The following FSTL5 variants were observed in gnomAD, a reference collection of about 807,000 sequenced individuals.
The protein encoded by FSTL5 is follistatin like 5.
In FSTL5, 62 loss-of-function variants were observed where a neutral mutation model predicts 89.1. The observed-to-expected ratio is 0.70, with a 90% CI of 0.57 to 0.86. FSTL5 has a LOEUF of 0.86. FSTL5 is among the 40% of genes least tolerant of loss of function. The pLI is 0.00. For synonymous variants in FSTL5, 383 were observed against 346.2 expected, an observed-to-expected ratio of 1.11 and a Z score of -1.18; for missense variants, 1,057 against 1,001.6, an observed-to-expected ratio of 1.06 and a Z score of -0.75.
chr4:162,121,711 TA>T (rs1379903605), intron 1 of FSTL5, among the ~76,000 whole-genome samples: 3 of 151,820 alleles, frequency 2.0e-5, no homozygotes, highest in Non-Finnish European at 2.9e-5. Context: ...TGACAGTATC[TA>T]AAAAAAAGTT....
intron 15 of FSTL5, among the ~76,000 whole-genome samples, chr4:161,453,117 A>C (rs1733230279): frequency 6.6e-6 from 1 of 152,218 alleles, no homozygotes; most frequent in Admixed American, 6.5e-5. Flanking sequence ...GTATTTTAAC[A>C]TAATGATAAC....
chr4:161,846,048 C>A (rs1360387291), intron 4 of FSTL5, among the ~76,000 whole-genome samples: 11 of 144,072 alleles, frequency 7.6e-5, no homozygotes, highest in South Asian at 2.2e-4. Context: ...GACTCCGTCT[C>A]AAAAAAAAAA....
chr4:161,517,318 C>T (rs78820493), intron 10 of FSTL5, among the ~76,000 whole-genome samples: 14,104 of 152,160 alleles, frequency 0.093, 883 homozygotes, highest in South Asian at 0.2. Flanking sequence ...AAATTATCTG[C>T]TTTGATATCT....
chr4:162,026,340 C>CTTTTTTTTTTTTA (rs1441384604), intron 3 of FSTL5, among the ~76,000 whole-genome samples: 1 of 38,542 alleles, frequency 2.6e-5, no homozygotes, highest in Non-Finnish European at 5.5e-5. Flanking sequence ...CGGAGTTTTC[C>CTTTTTTTTTTTTA]TCTTGTCCCC....
At chr4:161,776,688 A>T (rs1473279339) in intron 4 of FSTL5, among the ~76,000 whole-genome samples, 3 of 151,708 alleles carry the variant, frequency 2.0e-5, no homozygotes, top group Non-Finnish European at 2.9e-5. Flanking sequence ...ATTTAAAAAA[A>T]TTTTTAGTTG....
At chr4:161,598,039 A>C (rs540603864) in intron 7 of FSTL5, among the ~76,000 whole-genome samples, 1 of 152,292 alleles carries the variant, frequency 6.6e-6, no homozygotes, top group South Asian at 2.1e-4. Flanking sequence ...AATTATTCCT[A>C]AATTAATCCA....
chr4:162,059,981 C>T (rs541597117), intron 2 of FSTL5, among the ~76,000 whole-genome samples: 3 of 152,218 alleles, frequency 2.0e-5, no homozygotes, highest in Admixed American at 6.5e-5. Flanking sequence ...TGAAGAGAAA[C>T]GAATTGACTC....
intron 2 of FSTL5, among the ~76,000 whole-genome samples, chr4:162,092,948 A>C (rs1844992): frequency 2.8e-4 from 2 of 7,132 alleles, no homozygotes; most frequent in Non-Finnish European, 7.7e-4. Context: ...ACTCTGTCTC[A>C]AAAAAAAAAA....
chr4:161,745,079 A>T (rs1740151645), intron 6 of FSTL5, among the ~76,000 whole-genome samples: 1 of 152,046 alleles, frequency 6.6e-6, no homozygotes, highest in Non-Finnish European at 1.5e-5. Context: ...TAAAAAAAAT[A>T]AAACAACAAC....
rs572114819 is a variant in FSTL5, at chr4:161,554,250, G to A, written c.1016-11557C>T. On this transcript the variant is annotated intron_variant, in intron 8 of 15. Coordinates refer to ENST00000306100, the MANE Select transcript of FSTL5 (RefSeq NM_020116.5). ...GATGATAGTAGGAAAAAAAAAGGAA[G>A]GGTAGATAGATATATTTCTCAAAGG... Among the ~76,000 whole-genome samples the A allele has an allele frequency of 3.3e-5, 5 of 151,422 alleles. No homozygotes were observed. The East Asian group carries it at 9.8e-4, about 30-fold the overall frequency.
chr4:161,914,717 C>T (rs547223462), intron 4 of FSTL5, among the ~76,000 whole-genome samples: 1 of 151,892 alleles, frequency 6.6e-6, no homozygotes, highest in Non-Finnish European at 1.5e-5. Flanking sequence ...TTAATTTGAC[C>T]AGATACAATA....
intron 5 of FSTL5, among the ~76,000 whole-genome samples, chr4:161,774,145 C>T (rs1316830734): frequency 6.6e-6 from 1 of 152,028 alleles, no homozygotes; most frequent in African/African-American, 2.4e-5. Context: ...GCCTGTAGTC[C>T]CAGCTACTTG....
chr4:161,590,730 A>G (rs1024624506), intron 7 of FSTL5, among the ~76,000 whole-genome samples: 4 of 152,222 alleles, frequency 2.6e-5, no homozygotes, highest in African/African-American at 9.6e-5. Context: ...GTTAAAATAA[A>G]AAAGAGACAA....
At chr4:161,735,931 A>T (rs578004042) in intron 6 of FSTL5, among the ~76,000 whole-genome samples, 34 of 152,024 alleles carry the variant, frequency 2.2e-4, no homozygotes, top group African/African-American at 8.2e-4. Flanking sequence ...CAACTTTATA[A>T]AAAAAAGAGA....
chr4:161,573,826 G>A (rs67595414), intron 8 of FSTL5, among the ~76,000 whole-genome samples: 1 of 148,256 alleles, frequency 6.7e-6, no homozygotes, highest in Non-Finnish European at 1.5e-5. Context: ...AGACAGAAAA[G>A]AAAAGAATAA....
At chr4:161,719,903 C>A (rs540971472) in intron 6 of FSTL5, among the ~76,000 whole-genome samples, 53 of 152,074 alleles carry the variant, frequency 3.5e-4, no homozygotes, top group African/African-American at 1.3e-3. Context: ...AAAATCAACT[C>A]AAAATGGGTT....
At chr4:161,454,866 C>G in intron 15 of FSTL5, 138 bp downstream of exon 15, 1 of 698,456 alleles carries the variant, frequency 1.4e-6, no homozygotes. Context: ...GTTCAGTAAG[C>G]AGATATGACA....
intron 8 of FSTL5, among the ~76,000 whole-genome samples, chr4:161,565,680 C>G (rs1012078808): frequency 2.0e-5 from 3 of 147,636 alleles, no homozygotes; most frequent in African/African-American, 7.5e-5. Context: ...AATTGTTAAC[C>G]TATTCTGTTA....
chr4:161,424,910 A>G (rs1175984500), intron 15 of FSTL5, among the ~76,000 whole-genome samples: 1 of 152,256 alleles, frequency 6.6e-6, no homozygotes, highest in Non-Finnish European at 1.5e-5. Flanking sequence ...AAAGAAAAGC[A>G]AACTCAAATA....
Sources: gnomAD v4.1 joint callset for allele counts (sites outside exome capture counted in the v4.1 genomes callset) on GRCh38, gnomAD v4.1.1 for gene constraint, MANE v1.5 for transcripts, NCBI Gene and HGNC (gene_info 2026-07-23, HGNC 2026-07-21) for gene names.